Variants in CTCF observed in about 807,000 individuals in gnomAD.
CTCF encodes the protein transcriptional repressor CTCF.
A neutral mutation model predicts 72.3 loss-of-function variants in CTCF; 7 were observed. The ratio of observed to expected loss-of-function variants is 0.10; its 90% CI spans 0.06 to 0.18. The LOEUF is 0.18. Among genes scored for constraint, CTCF ranks in the 10% least tolerant of loss-of-function variants. CTCF has a pLI of 1.00. For synonymous variants in CTCF, 374 were observed against 315.8 expected, an observed-to-expected ratio of 1.18 and a Z score of -1.95; for missense variants, 516 against 949.1, an observed-to-expected ratio of 0.54 and a Z score of 6.00.
intron 4 of CTCF, among the ~76,000 whole-genome samples, chr16:67,613,919 A>G (rs2052095057): frequency 6.6e-6 from 1 of 152,214 alleles, no homozygotes; most frequent in South Asian, 2.1e-4. Flanking sequence ...AGATTTGGCA[A>G]GACTGATTCA....
intron 11 of CTCF, 33 bp downstream of exon 11, chr16:67,636,884 GT>G: frequency 6.9e-7 from 1 of 1,450,556 alleles, no homozygotes. Flanking sequence ...GGAGGCTGGC[GT>G]CTTCTCCGAG....
chr16:67,601,380 C>G (rs2051889860), intron 2 of CTCF, among the ~76,000 whole-genome samples: 1 of 149,284 alleles, frequency 6.7e-6, no homozygotes. Flanking sequence ...ACTCTGTCAC[C>G]CAGCCTGGAG....
chr16:67,593,317 A>G lies in CTCF; in HGVS notation c.-9-17507A>G, dbSNP rs538744765. Among the ~76,000 whole-genome samples the G allele has an allele frequency of 8.0e-4, 122 of 152,080 alleles. 1 individual carries two copies. The South Asian group carries it at 9.5e-3, about 12-fold the overall frequency. On this transcript the variant is annotated intron_variant, in intron 2 of 11. Coordinates refer to ENST00000264010, the MANE Select transcript of CTCF (RefSeq NM_006565.4). ...ACCCAGGTAATGAGCATAGTACCCA[A>G]TGATTAGTTTTGCAGCCCTTACCCC... is the stretch of plus-strand genomic sequence containing the variant.
At chr16:67,614,199 T>A (rs931529736) in intron 4 of CTCF, 4 of 151,006 alleles carry the variant, frequency 2.6e-5, no homozygotes, top group African/African-American at 9.8e-5. Flanking sequence ...ATATAAAAAT[T>A]AGCCGGGCGT....
intron 2 of CTCF, among the ~76,000 whole-genome samples, chr16:67,576,398 CT>C (rs1386703166): frequency 6.6e-6 from 1 of 151,512 alleles, no homozygotes; most frequent in Non-Finnish European, 1.5e-5. Flanking sequence ...TTGGGGGTCA[CT>C]TTTTGTTGGT....
chr16:67,575,846 G>A (rs2051489523), intron 2 of CTCF, among the ~76,000 whole-genome samples: 1 of 152,050 alleles, frequency 6.6e-6, no homozygotes, highest in Non-Finnish European at 1.5e-5. Context: ...TAGGAAAATG[G>A]GTTAGATTTA....
chr16:67,585,531 C>T (rs2051658280), intron 2 of CTCF, among the ~76,000 whole-genome samples: 2 of 152,172 alleles, frequency 1.3e-5, no homozygotes, highest in South Asian at 4.1e-4. Flanking sequence ...TTTCAGAATC[C>T]TTCAATAATC....
At position 67,580,166 on chromosome 16, in the gene CTCF, G is replaced by A. The variant is rs991678804; in HGVS notation, c.-10+8902G>A. 2.0e-4 allele frequency among the ~76,000 whole-genome samples: 30 copies of A among 152,160 alleles called. 1 individual carries two copies. The highest frequency in any genetic ancestry group is 6.5e-4 in the African/African-American group (27 of 41,432). ...GTAATGCTGTCCTGACTTAAGGTGG[G>A]ATAACTGGGATTGCTGTTTGTCTAG... On this transcript the variant is annotated intron_variant, in intron 2 of 11. Coordinates refer to ENST00000264010, the MANE Select transcript of CTCF (RefSeq NM_006565.4).
intron 9 of CTCF, 27 bp downstream of exon 9, chr16:67,628,579 G>A (rs201285477): frequency 2.0e-5 from 32 of 1,607,362 alleles, no homozygotes; most frequent in Middle Eastern, 1.7e-4. Context: ...CACTTTGCCT[G>A]TTATGATACT....
chr16:67,624,117 A>ATG (rs1207947513), intron 7 of CTCF, among the ~76,000 whole-genome samples: 3 of 92,528 alleles, frequency 3.2e-5, no homozygotes, highest in African/African-American at 4.3e-5. Context: ...GTGTGTGTGT[A>ATG]TGTGTGTGTA....
chr16:67,597,271 A>G (rs1380250938), intron 2 of CTCF, among the ~76,000 whole-genome samples: 1 of 151,882 alleles, frequency 6.6e-6, no homozygotes, highest in African/African-American at 2.4e-5. Flanking sequence ...CCTGGGCTCA[A>G]GCGATCTGCT....
At chr16:67,577,911 T>C (rs2051522015) in intron 2 of CTCF, among the ~76,000 whole-genome samples, 1 of 152,220 alleles carries the variant, frequency 6.6e-6, no homozygotes, top group Non-Finnish European at 1.5e-5. Flanking sequence ...AATTTGGTCT[T>C]AAACTTTGTT....
chr16:67,635,671 TAG>T (rs1455029529), intron 10 of CTCF: 1 of 152,042 alleles, frequency 6.6e-6, no homozygotes, highest in African/African-American at 2.4e-5. Context: ...ATATTTTTAG[TAG>T]AGTCAGGGTT....
intron 2 of CTCF, among the ~76,000 whole-genome samples, chr16:67,604,964 A>ATTT (rs34873720): frequency 0.011 from 836 of 73,796 alleles, 159 homozygotes; most frequent in Middle Eastern, 0.035. Flanking sequence ...TATAAATGGG[A>ATTT]TTTTTTTTTT....
At chr16:67,584,107 C>T (rs2051627624) in intron 2 of CTCF, among the ~76,000 whole-genome samples, 1 of 151,910 alleles carries the variant, frequency 6.6e-6, no homozygotes, top group African/African-American at 2.4e-5. Context: ...CGCAGTGGCT[C>T]ATGCCTGTAA....
In CTCF at chr16:67,611,099, T is replaced by C; in HGVS notation, c.267T>C (p.Ala89=). 1.9e-6 allele frequency: 3 copies of C among 1,614,148 alleles called. No homozygotes were observed. Among genetic ancestry groups the C allele is most frequent in the East Asian group, 4.5e-5 (2 of 44,880 alleles). The change falls in exon 3 of 12, where the codon GCT becomes GCC. Residue 89 remains alanine, a synonymous_variant. Coordinates refer to ENST00000264010, the MANE Select transcript of CTCF (RefSeq NM_006565.4). ...EGTVAPEAEA[A]VDDTQIITLQ... is the part of the protein sequence containing the mutation. The stretch of plus-strand genomic sequence containing the variant: ...CAGTGGCTCCAGAAGCAGAGGCTGC[T>C]GTGGACGATACCCAGATTATAACTT...
intron 6 of CTCF, 107 bp from the exon 7 acceptor site, chr16:67,621,335 C>A: frequency 1.3e-6 from 1 of 798,268 alleles, no homozygotes; most frequent in Non-Finnish European, 2.0e-6. Context: ...TTCCTAAGAC[C>A]TGTAGATTCT....
chr16:67,590,462 TACAC>T (rs1178671370), intron 2 of CTCF, among the ~76,000 whole-genome samples: 1 of 151,912 alleles, frequency 6.6e-6, no homozygotes, highest in Non-Finnish European at 1.5e-5. Flanking sequence ...TAATTATTTC[TACAC>T]ACACACATAC....
In CTCF at chr16:67,571,136, C is replaced by G. The variant is rs1237747283; in HGVS notation, c.-126-12C>G. On this transcript the variant is annotated splice_polypyrimidine_tract_variant and intron_variant, in intron 1 of 11. Transcript: ENST00000264010. Reference sequence around the variant, plus strand: ...TTAGTGTTTCATAAAATGATTTGTGCTTTTCTTTTAGAATGATTACGGACC... The same window carrying G: ...TTAGTGTTTCATAAAATGATTTGTGGTTTTCTTTTAGAATGATTACGGACC... 6.6e-6 allele frequency: 1 copy of G among 152,162 alleles called. No homozygotes were observed. Among genetic ancestry groups the G allele is most frequent in the Admixed American group, 6.6e-5 (1 of 15,208 alleles). The allele number at this position is 152,162 out of a possible 1,614,324, so 9.4% of individuals were successfully genotyped here.
Sources: allele counts gnomAD v4.1 joint callset (sites outside exome capture counted in the v4.1 genomes callset), GRCh38; gene constraint gnomAD v4.1.1; transcripts MANE v1.5; gene names NCBI Gene and HGNC (gene_info 2026-07-23, HGNC 2026-07-21).